The following STX3 variants were observed in gnomAD, a reference collection of about 807,000 sequenced individuals.
STX3 encodes syntaxin-3.
In STX3, 19 loss-of-function variants were observed where a neutral mutation model predicts 40.2. The observed-to-expected ratio is 0.47, with a 90% CI of 0.33 to 0.69. The LOEUF is 0.69. STX3 is among the 30% of genes least tolerant of loss of function. STX3 has a pLI of 0.02. For missense variants in STX3, 364 were observed against 366.7 expected (o/e 0.99, Z 0.06); for synonymous variants, 122 against 132.2 (o/e 0.92, Z 0.53).
At chr11:59,774,965 A>C (rs1258534229) in intron 2 of STX3, among the ~76,000 whole-genome samples, 1 of 152,250 alleles carries the variant, frequency 6.6e-6, no homozygotes, top group Non-Finnish European at 1.5e-5. Flanking sequence ...AGTTTCTGCC[A>C]CCATACTATG....
intron 10 of STX3, chr11:59,799,828 CCT>C (rs1865769779): frequency 1.0e-6 from 1 of 985,050 alleles, no homozygotes; most frequent in Admixed American, 6.2e-5. Flanking sequence ...TTTTTTTTCC[CCT>C]CTTTTTTCTG....
chr11:59,762,926 A>G (rs529081491), intron 1 of STX3, among the ~76,000 whole-genome samples: 1 of 152,308 alleles, frequency 6.6e-6, no homozygotes, highest in South Asian at 2.1e-4. Context: ...AATTTCTCCA[A>G]GGAGTCACTT....
At chr11:59,783,914 G>A (rs1159153590) in intron 2 of STX3, among the ~76,000 whole-genome samples, 1 of 152,228 alleles carries the variant, frequency 6.6e-6, no homozygotes, top group Non-Finnish European at 1.5e-5. Flanking sequence ...AAATAGAAAG[G>A]TTGATGCGGT....
intron 10 of STX3, chr11:59,799,915 A>C (rs1294377955): frequency 1.3e-5 from 13 of 985,204 alleles, no homozygotes; most frequent in Non-Finnish European, 1.4e-5. Context: ...AATCTGATTG[A>C]AATAGATGTT....
In STX3 at chr11:59,801,255, C is replaced by CAGAATGATTCTTCTAAGTTTGGCA. The variant is rs1865874766; in HGVS notation, c.*433_*456dup. ...TTTTAGGGGAGTATCTTTAACAAAG[C>CAGAATGATTCTTCTAAGTTTGGCA]AGAATGATTCTTCTAAGTTTGGCAA... On this transcript the variant is annotated 3_prime_UTR_variant, in exon 11 of 11. Transcript: ENST00000337979. The CAGAATGATTCTTCTAAGTTTGGCA allele has an allele frequency of 2.0e-6, 2 of 1,025,586 alleles. No homozygotes were observed. The highest frequency in any genetic ancestry group is 3.4e-5 in the African/African-American group (2 of 58,858). 63.5% of individuals were successfully genotyped at this position (1,025,586 alleles called of 1,614,324 possible).
intron 1 of STX3, among the ~76,000 whole-genome samples, chr11:59,759,541 G>A (rs1862921359): frequency 6.6e-6 from 1 of 152,238 alleles, no homozygotes; most frequent in African/African-American, 2.4e-5. Flanking sequence ...CCATATGGTG[G>A]TAATGGAGAA....
chr11:59,769,657 A>AG (rs1392982173), intron 1 of STX3, among the ~76,000 whole-genome samples: 4 of 152,132 alleles, frequency 2.6e-5, no homozygotes, highest in Non-Finnish European at 5.9e-5. Context: ...TGTGGATACT[A>AG]GGGGTCTCAA....
In STX3 at chr11:59,755,489, C is replaced by T. The variant is rs1003387298; in HGVS notation, c.-117C>T. 2.3e-6 allele frequency: 3 copies of T among 1,327,796 alleles called. No homozygotes were observed. The highest frequency in any genetic ancestry group is 2.9e-6 in the Non-Finnish European group (3 of 1,019,984). 82.3% of individuals were successfully genotyped at this position (1,327,796 alleles called of 1,614,324 possible). On this transcript the variant is annotated 5_prime_UTR_variant, in exon 1 of 11. Coordinates refer to ENST00000337979, the MANE Select transcript of STX3 (RefSeq NM_004177.5). Reference sequence around the variant, plus strand: ...CGCCGCCCGCCGCCGCCTGCGCCTCCAGCTCCTTCGCCCCGGCGGGCCCGG... The same window carrying T: ...CGCCGCCCGCCGCCGCCTGCGCCTCTAGCTCCTTCGCCCCGGCGGGCCCGG...
At chr11:59,785,409 G>A (rs1239150695) in intron 2 of STX3, among the ~76,000 whole-genome samples, 2 of 152,054 alleles carry the variant, frequency 1.3e-5, no homozygotes, top group Non-Finnish European at 2.9e-5. Context: ...ATGGCTCACT[G>A]TGGCTTCAAC....
chr11:59,790,173 A>G (rs1440217274), intron 4 of STX3, among the ~76,000 whole-genome samples: 1 of 152,158 alleles, frequency 6.6e-6, no homozygotes, highest in South Asian at 2.1e-4. Context: ...TAGTATTGTG[A>G]GGGAGGGACT....
chr11:59,798,892 A>G (rs989355835), intron 10 of STX3, among the ~76,000 whole-genome samples: 1 of 148,182 alleles, frequency 6.7e-6, no homozygotes, highest in African/African-American at 2.5e-5. Flanking sequence ...AAAACAAACA[A>G]TTTTTTTTTG....
chr11:59,793,042 T>C, intron 6 of STX3, 57 bp from the exon 7 acceptor site: 1 of 1,568,962 alleles, frequency 6.4e-7, no homozygotes, highest in Non-Finnish European at 8.7e-7. Flanking sequence ...AGGGTCCTTA[T>C]CAGATGGTGT....
chr11:59,770,097 G>T (rs1485374300), intron 1 of STX3, among the ~76,000 whole-genome samples: 9 of 149,950 alleles, frequency 6.0e-5, no homozygotes, highest in Admixed American at 6.0e-4. Context: ...GTTTGTGTAT[G>T]TGGAATGGGT....
In STX3 at chr11:59,803,005, C is replaced by T. The variant is rs1458246430; in HGVS notation, c.*2181C>T. 1.8e-5 allele frequency: 18 copies of T among 985,072 alleles called. No homozygotes were observed. Among genetic ancestry groups the T allele is most frequent in the Non-Finnish European group, 2.2e-5 (18 of 829,936 alleles). The allele number at this position is 985,072 out of a possible 1,614,324, so 61.0% of individuals were successfully genotyped here. A position where few individuals can be genotyped will look rare whatever the true frequency, so the allele number is the denominator to read the frequency against. On this transcript the variant is annotated 3_prime_UTR_variant, in exon 11 of 11. Coordinates refer to ENST00000337979, the MANE Select transcript of STX3 (RefSeq NM_004177.5). ...TTATCTAGAAGGTGGAATGACCATACCAAACATCCTTTTAATCTAACTTGA... is the reference window on the plus strand; with the variant it reads ...TTATCTAGAAGGTGGAATGACCATATCAAACATCCTTTTAATCTAACTTGA...
At chr11:59,792,017 C>A in intron 5 of STX3, 90 bp from the exon 6 acceptor site, 2 of 1,028,362 alleles carry the variant, frequency 1.9e-6, no homozygotes, top group Non-Finnish European at 1.5e-6. Flanking sequence ...AAGTCCAGTG[C>A]TATTGTAGAT....
At position 59,793,503 on chromosome 11, in the gene STX3, G is replaced by A. The variant is rs754971448; in HGVS notation, c.664G>A (p.Val222Met). 8 of 1,613,528 alleles carry A rather than the reference G, an allele frequency of 5.0e-6. No homozygotes were observed. Among genetic ancestry groups the A allele is most frequent in the Non-Finnish European group, 6.8e-6 (8 of 1,179,638 alleles). Residue 222 changes from valine to methionine, a missense_variant, in exon 8 of 11, where the codon GTG (valine) becomes ATG (methionine). By Grantham distance (21) the Val-to-Met change is conservative. Coordinates refer to ENST00000337979, the MANE Select transcript of STX3 (RefSeq NM_004177.5). ...CATGTTTATGGACATCGCCATGCTG[G>A]TGGAGAATCAGGTAAGTGGCAGTGA... ...HDMFMDIAMLVENQGEMLDNI... is the reference protein window; with the variant it reads ...HDMFMDIAMLMENQGEMLDNI...
rs1865922411 is a variant in STX3 at position 59,802,466 on chromosome 11, TCAGA to T, written c.*1647_*1650del. The T allele has an allele frequency of 2.0e-6, 2 of 985,806 alleles. No homozygotes were observed. Among genetic ancestry groups the T allele is most frequent in the East Asian group, 1.1e-4 (1 of 8,812 alleles). 61.1% of individuals were successfully genotyped at this position (985,806 alleles called of 1,614,324 possible). On this transcript the variant is annotated 3_prime_UTR_variant, in exon 11 of 11. Transcript: ENST00000337979. ...CTTATGGCCGGTCACAATCCAGCACTCAGACAGAGCCAAGGCAATATCCTCTTGC... is the reference window on the plus strand; with the variant it reads ...CTTATGGCCGGTCACAATCCAGCACTCAGAGCCAAGGCAATATCCTCTTGC...
Position 59,801,192 on chromosome 11 carries a change from A to C in STX3, c.*368A>C. 1.7e-6 allele frequency: 2 copies of C among 1,174,310 alleles called. No homozygotes were observed. Among genetic ancestry groups the C allele is most frequent in the Non-Finnish European group, 2.1e-6 (2 of 947,354 alleles). The allele number at this position is 1,174,310 out of a possible 1,614,324, so 72.7% of individuals were successfully genotyped here. A position where few individuals can be genotyped will look rare whatever the true frequency, so the allele number is the denominator to read the frequency against. ...CTCTCCCAAGGTGCTGTATTTTTCTACCTCATGGAGTATTCTCCCAGAAAC... is the reference window on the plus strand; with the variant it reads ...CTCTCCCAAGGTGCTGTATTTTTCTCCCTCATGGAGTATTCTCCCAGAAAC... On this transcript the variant is annotated 3_prime_UTR_variant, in exon 11 of 11. Coordinates refer to ENST00000337979, the MANE Select transcript of STX3 (RefSeq NM_004177.5).
At chr11:59,777,336 G>T (rs61636608) in intron 2 of STX3, among the ~76,000 whole-genome samples, 15,823 of 152,256 alleles carry the variant, frequency 0.1, 1,154 homozygotes, top group African/African-American at 0.2. Context: ...TTTTAGGAAT[G>T]TCTTCCGGAT....
Sources: allele counts gnomAD v4.1 joint callset (sites outside exome capture counted in the v4.1 genomes callset), GRCh38; gene constraint gnomAD v4.1.1; transcripts MANE v1.5; gene names NCBI Gene and HGNC (gene_info 2026-07-23, HGNC 2026-07-21).